Variants in BLTP3A observed in about 807,000 individuals in gnomAD.
BLTP3A encodes the protein bridge-like lipid transfer protein family member 3A, also known as ICBP90 binding protein 1.
At chr6:34,859,185 A>G in the BLTP3A span, 6 of 1,614,044 alleles carry the variant, frequency 3.7e-6, no homozygotes, top group Non-Finnish European at 4.2e-6. Flanking sequence ...ATCAGGATGT[A>G]TCCCAGGAGA....
the BLTP3A span, among the ~76,000 whole-genome samples, chr6:34,851,635 G>C: frequency 6.6e-6 from 1 of 152,196 alleles, no homozygotes; most frequent in South Asian, 2.1e-4. Context: ...CCTGGCTGCT[G>C]CTGATATTCA....
At chr6:34,859,279 C>CT in the BLTP3A span, 1 of 1,613,710 alleles carries the variant, frequency 6.2e-7, no homozygotes, top group Non-Finnish European at 8.5e-7. Flanking sequence ...AGTAGAGTCC[C>CT]TACAGGCCAA....
the BLTP3A span, among the ~76,000 whole-genome samples, chr6:34,854,287 A>G: frequency 6.6e-5 from 10 of 152,194 alleles, no homozygotes; most frequent in African/African-American, 2.2e-4. Flanking sequence ...TGGAATATTT[A>G]AAATTTTGAT....
At chr6:34,823,861 C>T in the BLTP3A span, among the ~76,000 whole-genome samples, 1 of 151,958 alleles carries the variant, frequency 6.6e-6, no homozygotes, top group Non-Finnish European at 1.5e-5. Flanking sequence ...CTTTTTCCTG[C>T]CAGTTTGTGT....
the BLTP3A span, among the ~76,000 whole-genome samples, chr6:34,841,709 A>G: frequency 6.6e-6 from 1 of 152,208 alleles, no homozygotes; most frequent in African/African-American, 2.4e-5. Flanking sequence ...TGGATGGTTC[A>G]TTGGGGTCAG....
the BLTP3A span, chr6:34,871,627 C>T: frequency 6.2e-7 from 1 of 1,613,970 alleles, no homozygotes; most frequent in Non-Finnish European, 8.5e-7. Context: ...GGCCCCATCC[C>T]CATCACTCTG....
the BLTP3A span, chr6:34,871,970 T>C: frequency 1.9e-6 from 3 of 1,575,020 alleles, no homozygotes; most frequent in Non-Finnish European, 2.6e-6. Context: ...CCTTGGGGGC[T>C]ATACTTGTGA....
the BLTP3A span, among the ~76,000 whole-genome samples, chr6:34,842,528 T>C: frequency 6.6e-6 from 1 of 152,136 alleles, no homozygotes; most frequent in Non-Finnish European, 1.5e-5. Context: ...ATCTTAGATA[T>C]AACAATCATC....
At chr6:34,816,793 TG>T in the BLTP3A span, among the ~76,000 whole-genome samples, 1 of 152,098 alleles carries the variant, frequency 6.6e-6, no homozygotes, top group Non-Finnish European at 1.5e-5. Flanking sequence ...TCAGAATCTG[TG>T]CGGTTGGACA....
chr6:34,855,981 T>C, the BLTP3A span: 7 of 944,064 alleles, frequency 7.4e-6, no homozygotes, highest in Non-Finnish European at 8.8e-6. Flanking sequence ...CTTCCACTAG[T>C]GTTAGAGCCT....
At chr6:34,869,826 G>A in the BLTP3A span, among the ~76,000 whole-genome samples, 1 of 151,010 alleles carries the variant, frequency 6.6e-6, no homozygotes, top group African/African-American at 2.4e-5. Context: ...TAATTTTTTT[G>A]TATTTTTAGA....
At chr6:34,835,483 A>G in the BLTP3A span, 4 of 1,611,750 alleles carry the variant, frequency 2.5e-6, no homozygotes, top group South Asian at 2.2e-5. Context: ...TAAAACAGAC[A>G]CCCTTAGTGG....
the BLTP3A span, among the ~76,000 whole-genome samples, chr6:34,800,484 T>G: frequency 6.6e-6 from 1 of 151,650 alleles, no homozygotes; most frequent in Non-Finnish European, 1.5e-5. Flanking sequence ...ACTTGGGGAG[T>G]AATGGGGGTT....
At chr6:34,868,513 A>G in the BLTP3A span, among the ~76,000 whole-genome samples, 1 of 151,884 alleles carries the variant, frequency 6.6e-6, no homozygotes, top group African/African-American at 2.4e-5. Context: ...ACTTGAGGTC[A>G]GGAATTTGAA....
chr6:34,861,071 C>G, the BLTP3A span, among the ~76,000 whole-genome samples: 32 of 152,150 alleles, frequency 2.1e-4, no homozygotes, highest in Admixed American at 2.0e-3. Context: ...TTCCTTTTAT[C>G]CTATAGGTGT....
At chr6:34,840,299 C>T in the BLTP3A span, among the ~76,000 whole-genome samples, 111 of 151,814 alleles carry the variant, frequency 7.3e-4, no homozygotes, top group African/African-American at 2.6e-3. Flanking sequence ...CGCGTGTAAT[C>T]CCAGCAGTTT....
chr6:34,805,328 C>T, the BLTP3A span, among the ~76,000 whole-genome samples: 1 of 151,872 alleles, frequency 6.6e-6, no homozygotes, highest in Non-Finnish European at 1.5e-5. Context: ...CGTGGTAGCT[C>T]ACACCTGTAA....
chr6:34,798,250 A>G, the BLTP3A span, among the ~76,000 whole-genome samples: 16 of 152,304 alleles, frequency 1.1e-4, no homozygotes, highest in East Asian at 2.9e-3. Flanking sequence ...GCTGTATAGC[A>G]TTTCATTATG....
the BLTP3A span, chr6:34,859,093 G>A: frequency 2.5e-6 from 4 of 1,614,196 alleles, no homozygotes; most frequent in African/African-American, 2.7e-5. Flanking sequence ...TCCTTCAGAG[G>A]ATCGGGAACT....
Sources: gnomAD v4.1 joint callset for allele counts (sites outside exome capture counted in the v4.1 genomes callset) on GRCh38, gnomAD v4.1.1 for gene constraint, MANE v1.5 for transcripts, NCBI Gene and HGNC (gene_info 2026-07-23, HGNC 2026-07-21) for gene names.